PTPN23: variants seen among roughly 807,000 people sequenced by gnomAD.
The protein encoded by PTPN23 is protein tyrosine phosphatase non-receptor type 23.
Under a neutral mutation model 156.3 loss-of-function variants are expected in PTPN23, and 72 were observed. The ratio of observed to expected loss-of-function variants is 0.46; its 90% CI spans 0.38 to 0.56. PTPN23 has a LOEUF of 0.56. Ranked by LOEUF, PTPN23 falls within the 20% of genes least tolerant of loss-of-function variation. The pLI is 0.00. For synonymous variants in PTPN23, 957 were observed against 899.6 expected (o/e 1.06, Z -1.14); for missense variants, 1,974 against 2,171.5 (o/e 0.91, Z 1.81).
Position 47,411,096 on chromosome 3 carries a change from CGCCCCCCAGCAGCAGAACCACCCCCTT to C in PTPN23, c.3302_3328del (p.Pro1101_Cys1109del), listed in dbSNP as rs759217485. The C allele has an allele frequency of 1.3e-6, 2 of 1,599,604 alleles. No homozygotes were observed. Among genetic ancestry groups the C allele is most frequent in the Non-Finnish European group, 1.7e-6 (2 of 1,173,772 alleles). On this transcript the variant is annotated inframe_deletion, in exon 20 of 25. Coordinates refer to ENST00000265562, the MANE Select transcript of PTPN23 (RefSeq NM_015466.4). This position sits in a 1 kb window ranked among gnomAD's most constrained non-coding sequence, Gnocchi z 6.3. Reference sequence around the variant, plus strand: ...TCCAGGGCCTGGTCCGGTACCCCCTCGCCCCCCAGCAGCAGAACCACCCCCTTGCCTGCGCCGAGGCGCCGCAGCTGC... The same window carrying C: ...TCCAGGGCCTGGTCCGGTACCCCCTCGCCTGCGCCGAGGCGCCGCAGCTGC...
chr3:47,410,827 CG>C lies in PTPN23; in HGVS notation c.3030del (p.Pro1011HisfsTer149). On this transcript the variant is annotated frameshift_variant, in exon 20 of 25. Transcript: ENST00000265562. LOFTEE classifies it high-confidence loss of function. ...CCTCAGCCTGGGGTCCTGGGGCAGCCGCCACCCCCCCTACACACCCAGCTCT... is the reference window on the plus strand; with the variant it reads ...CCTCAGCCTGGGGTCCTGGGGCAGCCCCACCCCCCCTACACACCCAGCTCT... ...YAPQPGVLGQ[P>X]PPPLHTQLYP... 1 of 1,601,516 alleles carries C rather than the reference CG, an allele frequency of 6.2e-7. No individual in the cohort carries two copies. The highest frequency in any genetic ancestry group is 1.7e-5 in the Admixed American group (1 of 59,894).
rs1704876491 is a variant in PTPN23, at chr3:47,396,216, A to T, written c.158A>T (p.Gln53Leu). 1.2e-6 allele frequency: 2 copies of T among 1,609,314 alleles called. No individual in the cohort carries two copies. The highest frequency in any genetic ancestry group is 2.2e-5 in the South Asian group (2 of 90,944). The part of the protein sequence containing the change: ...EELKKLELLR[Q>L]NAVRVPRDFE... ...CTGAAGAAGCTGGAGTTGCTCAGACAGGTAGGAGGATAGTATTATCTTTTT... is the reference window on the plus strand; with the variant it reads ...CTGAAGAAGCTGGAGTTGCTCAGACTGGTAGGAGGATAGTATTATCTTTTT... The change falls in exon 2 of 25, where the codon CAG becomes CTG. Residue 53 changes from glutamine to leucine, a missense_variant and splice_region_variant. This residue lies in a region of PTPN23 where 726 missense variants were observed against 929.5 expected (regional missense o/e 0.78). Transcript: ENST00000265562.
In PTPN23 at chr3:47,405,372, CCA is replaced by C; in HGVS notation, c.364+293_364+294del. On this transcript the variant is annotated intron_variant, in intron 4 of 24. Transcript: ENST00000265562. The surrounding 1 kb of genome is among the most constrained non-coding windows in gnomAD (Gnocchi z 4.7). ...TCTTCTTTGACTGGACAGCCCCTCCCCACTGTGGTTTTGGGCTGCTTCAGGCA... is the reference window on the plus strand; with the variant it reads ...TCTTCTTTGACTGGACAGCCCCTCCCCTGTGGTTTTGGGCTGCTTCAGGCA... 1.8e-6 allele frequency: 1 copy of C among 541,844 alleles called. No homozygotes were observed. The highest frequency in any genetic ancestry group is 3.3e-6 in the Non-Finnish European group (1 of 301,462). 33.6% of individuals were successfully genotyped at this position (541,844 alleles called of 1,614,324 possible). A position where few individuals can be genotyped will look rare whatever the true frequency, so the allele number is the denominator to read the frequency against.
At chr3:47,381,268 C>T (rs1704531612) in intron 1 of PTPN23, 88 bp downstream of exon 1, 1 of 1,514,518 alleles carries the variant, frequency 6.6e-7, no homozygotes, top group Non-Finnish European at 8.9e-7. Flanking sequence ...CCCATCACCT[C>T]CTCAGGCCCG....
Position 47,409,790 on chromosome 3 carries a change from C to T in PTPN23, c.2085C>T (p.Ser695=), listed in dbSNP as rs1317780958. The part of the protein sequence containing the change: ...KVAALLERTQ[S]TCQAREAARQ... ...CTGCTCTGCTGGAGCGCACGCAGTCCACCTGCCAGGCCCGCGAGGCTGCCC... is the reference window on the plus strand; with the variant it reads ...CTGCTCTGCTGGAGCGCACGCAGTCTACCTGCCAGGCCCGCGAGGCTGCCC... The change falls in exon 19 of 25, where the codon TCC becomes TCT. Residue 695 remains serine, a synonymous_variant. Coordinates refer to ENST00000265562, the MANE Select transcript of PTPN23 (RefSeq NM_015466.4). The T allele has an allele frequency of 3.1e-6, 5 of 1,608,708 alleles. No homozygotes were observed. The highest frequency in any genetic ancestry group is 3.4e-6 in the Non-Finnish European group (4 of 1,179,418).
At chr3:47,404,099 G>A (rs905555591) in intron 2 of PTPN23, among the ~76,000 whole-genome samples, 16 of 152,200 alleles carry the variant, frequency 1.1e-4, no homozygotes, top group African/African-American at 3.9e-4. Context: ...CAAAAGTTAA[G>A]TAGAGTAAAA....
At chr3:47,400,330 C>CA (rs1185046574) in intron 2 of PTPN23, among the ~76,000 whole-genome samples, 1 of 152,174 alleles carries the variant, frequency 6.6e-6, no homozygotes. Context: ...TCTGTGATTA[C>CA]AGGGAATAAA....
At position 47,408,688 on chromosome 3, in the gene PTPN23, G is replaced by C. The variant is rs113702372; in HGVS notation, c.1331-88G>C. The C allele has an allele frequency of 1.4e-3, 2,059 of 1,492,578 alleles. 4 individuals carry two copies. Among genetic ancestry groups the C allele is most frequent in the Non-Finnish European group, 1.8e-3 (1,954 of 1,105,844 alleles). 92.5% of individuals were successfully genotyped at this position (1,492,578 alleles called of 1,614,324 possible). A position where few individuals can be genotyped will look rare whatever the true frequency, so the allele number is the denominator to read the frequency against. ...CTGGGCCTCACTTAAGCCCTGACCT[G>C]AGGGGGCGGTTCTGTCTCTTGGGGG... On this transcript the variant is annotated intron_variant, in intron 15 of 24. Coordinates refer to ENST00000265562, the MANE Select transcript of PTPN23 (RefSeq NM_015466.4).
At chr3:47,408,290 A>G (rs1041878165) in intron 14 of PTPN23, 55 bp from the exon 15 acceptor site, 2 of 1,585,296 alleles carry the variant, frequency 1.3e-6, no homozygotes, top group Non-Finnish European at 1.7e-6. Flanking sequence ...CTCCTTTGAC[A>G]TGGTCAGAGT....
chr3:47,393,476 C>T (rs944915989), intron 1 of PTPN23, among the ~76,000 whole-genome samples: 1 of 152,136 alleles, frequency 6.6e-6, no homozygotes, highest in African/African-American at 2.4e-5. Context: ...GGATGTATTT[C>T]ACCTTATTTG....
In PTPN23 at chr3:47,386,775, C is replaced by T. The variant is rs187370316; in HGVS notation, c.84+5595C>T. Among the ~76,000 whole-genome samples, 146 of 152,318 alleles carry T rather than the reference C, an allele frequency of 9.6e-4. 1 individual carries two copies. The highest frequency in any genetic ancestry group is 3.7e-4 in the Non-Finnish European group (25 of 68,024). On this transcript the variant is annotated intron_variant, in intron 1 of 24. Coordinates refer to ENST00000265562, the MANE Select transcript of PTPN23 (RefSeq NM_015466.4). ...ATTTGGAGTCACCCAGTTGCCTGAG[C>T]CTGTCTGTTCACTTGTATTTGCAGC...
chr3:47,403,983 C>T (rs929160981), intron 2 of PTPN23, among the ~76,000 whole-genome samples: 1 of 152,202 alleles, frequency 6.6e-6, no homozygotes, highest in African/African-American at 2.4e-5. Flanking sequence ...TTAATCCCAT[C>T]ACTTTGGGAG....
chr3:47,410,666 G>GCCCCAT lies in PTPN23; in HGVS notation c.2871_2876dup (p.His958_Pro959dup), dbSNP rs1180830633. ...CCCCAAGGATTGGGCCCCAGCCCCA[G>GCCCCAT]CCCCATCCTCAGCCCCATCCTTCAC... On this transcript the variant is annotated inframe_insertion, in exon 20 of 25. Transcript: ENST00000265562. 49 of 1,603,062 alleles carry GCCCCAT rather than the reference G, an allele frequency of 3.1e-5. No individual in the cohort carries two copies. Among genetic ancestry groups the GCCCCAT allele is most frequent in the Middle Eastern group, 3.3e-4 (2 of 6,058 alleles).
At position 47,412,262 on chromosome 3, in the gene PTPN23, CAT is replaced by C; in HGVS notation, c.4179-19_4179-18del. The C allele has an allele frequency of 6.2e-7, 1 of 1,612,990 alleles. No individual in the cohort carries two copies. Among genetic ancestry groups the C allele is most frequent in the Non-Finnish European group, 8.5e-7 (1 of 1,179,594 alleles). Reference sequence around the variant, plus strand: ...TTGGCCTAGCCTCATACCCCGGCCTCATAACCCCTTCTTGGCACAGCTCTGGT... The same window carrying C: ...TTGGCCTAGCCTCATACCCCGGCCTCAACCCCTTCTTGGCACAGCTCTGGT... On this transcript the variant is annotated intron_variant, in intron 22 of 24. Coordinates refer to ENST00000265562, the MANE Select transcript of PTPN23 (RefSeq NM_015466.4).
At chr3:47,397,262 C>G (rs1461787138) in intron 2 of PTPN23, among the ~76,000 whole-genome samples, 1 of 152,132 alleles carries the variant, frequency 6.6e-6, no homozygotes, top group East Asian at 1.9e-4. Flanking sequence ...AAATGTGACA[C>G]AGAGTCATGA....
chr3:47,404,331 CT>C (rs1164080119), intron 2 of PTPN23, among the ~76,000 whole-genome samples: 1 of 151,160 alleles, frequency 6.6e-6, no homozygotes, highest in African/African-American at 2.4e-5. Context: ...AATTGGGAGG[CT>C]GAGGCAGGAG....
At position 47,411,510 on chromosome 3, in the gene PTPN23, T is replaced by G. The variant is rs1286679224; in HGVS notation, c.3712T>G (p.Ser1238Ala). ...PYDSNRVVLR[S>A]GKDDYINASC... The stretch of plus-strand genomic sequence containing the variant: ...TGACAGTAACCGTGTGGTGCTGCGC[T>G]CAGGCAAGGATGACTACATCAATGC... The change falls in exon 20 of 25, where the codon TCA becomes GCA. Residue 1238 changes from serine (S) to alanine (A), a missense_variant. By Grantham distance (99) the Ser-to-Ala change is moderately conservative. Coordinates refer to ENST00000265562, the MANE Select transcript of PTPN23 (RefSeq NM_015466.4). This position sits in a 1 kb window ranked among gnomAD's most constrained non-coding sequence, Gnocchi z 6.3. 2 of 1,613,000 alleles carry G rather than the reference T, an allele frequency of 1.2e-6. No homozygotes were observed. Among genetic ancestry groups the G allele is most frequent in the Admixed American group, 1.7e-5 (1 of 60,022 alleles).
chr3:47,407,644 G>A lies in PTPN23; in HGVS notation c.1004-53G>A. 1 of 1,605,828 alleles carries A rather than the reference G, an allele frequency of 6.2e-7. No individual in the cohort carries two copies. Among genetic ancestry groups the A allele is most frequent in the Non-Finnish European group, 8.5e-7 (1 of 1,172,686 alleles). ...GTGGGGTGGGGACAGGACACAGGAG[G>A]CTGCCTCAAGGACTCTGCGTGGGCC... On this transcript the variant is annotated intron_variant, in intron 12 of 24. Transcript: ENST00000265562. The surrounding 1 kb of genome is among the most constrained non-coding windows in gnomAD (Gnocchi z 4.0).
At position 47,410,395 on chromosome 3, in the gene PTPN23, C is replaced by T; in HGVS notation, c.2597C>T (p.Pro866Leu). ...PVAGLPSAPP[P>L]QFSGPELAMA... ...GCAGGTCTCCCCTCGGCCCCACCTC[C>T]TCAATTCTCAGGCCCCGAGTTGGCC... Residue 866 changes from proline (P) to leucine (L), a missense_variant, in exon 20 of 25, where the codon CCT (proline) becomes CTT (leucine). By Grantham distance (98) the Pro-to-Leu change is moderately conservative. Coordinates refer to ENST00000265562, the MANE Select transcript of PTPN23 (RefSeq NM_015466.4). 1.9e-6 allele frequency: 3 copies of T among 1,611,938 alleles called. No individual in the cohort carries two copies. The highest frequency in any genetic ancestry group is 2.2e-5 in the South Asian group (2 of 90,758).
Sources: allele counts gnomAD v4.1 joint callset (sites outside exome capture counted in the v4.1 genomes callset), GRCh38; gene constraint gnomAD v4.1.1; regional missense constraint gnomAD v4.1.1; non-coding constraint Gnocchi (gnomAD v3.1); transcripts MANE v1.5; gene names NCBI Gene and HGNC (gene_info 2026-07-23, HGNC 2026-07-21).